PRKCSH: variants seen among roughly 807,000 people sequenced by gnomAD.
PRKCSH encodes the protein glucosidase 2 subunit beta.
Under a neutral mutation model 79.7 loss-of-function variants are expected in PRKCSH, and 42 were observed. That is an observed-to-expected ratio of 0.53 (90% CI 0.41 to 0.68). PRKCSH has a LOEUF of 0.68. Ranked by LOEUF, PRKCSH falls within the 30% of genes least tolerant of loss-of-function variation. The pLI, the probability that PRKCSH is intolerant of heterozygous loss-of-function variation, is 0.00. For synonymous variants in PRKCSH, 325 were observed against 288.2 expected (o/e 1.13, Z -1.29); for missense variants, 686 against 709.0 (o/e 0.97, Z 0.37).
chr19:11,436,399 C>T lies in PRKCSH; in HGVS notation c.90C>T (p.Phe30=). 1 of 1,614,182 alleles carries T rather than the reference C, an allele frequency of 6.2e-7. No individual in the cohort carries two copies. The highest frequency in any genetic ancestry group is 8.5e-7 in the Non-Finnish European group (1 of 1,180,008). Residue 30 remains phenylalanine, a synonymous_variant, in exon 3 of 18, where the codon TTC becomes TTT. Coordinates refer to ENST00000677123, the MANE Select transcript of PRKCSH (RefSeq NM_001289104.2). ...PRGVSLTNHH[F]YDESKPFTCL... Reference sequence around the variant, plus strand: ...TCCTGTACCCCGCAGATCATCACTTCTACGATGAGTCCAAGCCTTTCACCT... The same window carrying T: ...TCCTGTACCCCGCAGATCATCACTTTTACGATGAGTCCAAGCCTTTCACCT...
In PRKCSH at chr19:11,446,263, C is replaced by G. The variant is rs747123750; in HGVS notation, c.684-9C>G. The G allele has an allele frequency of 1.2e-6, 2 of 1,613,130 alleles. No individual in the cohort carries two copies. Among genetic ancestry groups the G allele is most frequent in the East Asian group, 2.2e-5 (1 of 44,864 alleles). On this transcript the variant is annotated splice_polypyrimidine_tract_variant and intron_variant, in intron 8 of 17. Transcript: ENST00000677123. ...ACCCCTCCAGTCTGCTTCTGCCACG[C>G]CCCCGCAGGGTCTCGGTGACTGAGC... is the stretch of plus-strand genomic sequence containing the variant.
Position 11,436,400 on chromosome 19 carries a change from T to C in PRKCSH, c.91T>C (p.Tyr31His). Residue 31 changes from tyrosine to histidine, a missense_variant, in exon 3 of 18, where the codon TAC becomes CAC. By Grantham distance (83) the Tyr-to-His change is moderately conservative. This residue lies in a region of PRKCSH where 549 missense variants were observed against 520.2 expected (regional missense o/e 1.06). Coordinates refer to ENST00000677123, the MANE Select transcript of PRKCSH (RefSeq NM_001289104.2). ...RGVSLTNHHFYDESKPFTCLD... is the reference protein window; with the variant it reads ...RGVSLTNHHFHDESKPFTCLD... Reference sequence around the variant, plus strand: ...CCTGTACCCCGCAGATCATCACTTCTACGATGAGTCCAAGCCTTTCACCTG... The same window carrying C: ...CCTGTACCCCGCAGATCATCACTTCCACGATGAGTCCAAGCCTTTCACCTG... 1 of 1,614,176 alleles carries C rather than the reference T, an allele frequency of 6.2e-7. No homozygotes were observed. The highest frequency in any genetic ancestry group is 1.1e-5 in the South Asian group (1 of 91,092).
In PRKCSH at chr19:11,449,542, T is replaced by C. The variant is rs1970493725; in HGVS notation, c.*16+114T>C. 3.5e-6 allele frequency: 5 copies of C among 1,435,768 alleles called. No individual in the cohort carries two copies. The highest frequency in any genetic ancestry group is 4.8e-6 in the Non-Finnish European group (5 of 1,046,562). The allele number at this position is 1,435,768 out of a possible 1,614,324, so 88.9% of individuals were successfully genotyped here. A position where few individuals can be genotyped will look rare whatever the true frequency, so the allele number is the denominator to read the frequency against. ...CAACCTGTGTCCCCATGTTCCCTGC[T>C]TTTTTGTTTTGTTTTTTTGAGGTGG... On this transcript the variant is annotated intron_variant, in intron 17 of 17. Coordinates refer to ENST00000677123, the MANE Select transcript of PRKCSH (RefSeq NM_001289104.2). This position sits in a 1 kb window ranked among gnomAD's most constrained non-coding sequence, Gnocchi z 6.4.
rs1014627341 is a variant in PRKCSH, at chr19:11,447,938, A to G, written c.1126+149A>G. On this transcript the variant is annotated intron_variant, in intron 12 of 17. Transcript: ENST00000677123. This position sits in a 1 kb window ranked among gnomAD's most constrained non-coding sequence, Gnocchi z 5.6. ...CTTGGGGAGTCCAGGAAGGGGGCCT[A>G]GGGTAAGCCAGTCCCACCCTCGCCA... 1 of 992,108 alleles carries G rather than the reference A, an allele frequency of 1.0e-6. No individual in the cohort carries two copies. The highest frequency in any genetic ancestry group is 1.5e-6 in the Non-Finnish European group (1 of 688,576). 61.5% of individuals were successfully genotyped at this position (992,108 alleles called of 1,614,324 possible).
At chr19:11,439,605 CTTTTTTTTT>C (rs758607686) in intron 5 of PRKCSH, among the ~76,000 whole-genome samples, 4 of 68,852 alleles carry the variant, frequency 5.8e-5, no homozygotes, top group Non-Finnish European at 8.4e-5. Context: ...TTTTTCTTTT[CTTTTTTTTT>C]TTTTTTTTTT....
intron 5 of PRKCSH, among the ~76,000 whole-genome samples, chr19:11,438,447 C>T (rs1334557256): frequency 1.3e-5 from 2 of 152,158 alleles, no homozygotes; most frequent in Non-Finnish European, 2.9e-5. Context: ...GAAACACCCA[C>T]AGGCAGGTAA....
At position 11,436,497 on chromosome 19, in the gene PRKCSH, A is replaced by C. The variant is rs1969752491; in HGVS notation, c.188A>C (p.Asp63Ala). ...DDYCDCKDGSDEPGTAACPNG... is the reference protein window; with the variant it reads ...DDYCDCKDGSAEPGTAACPNG... ...TATTGCGACTGCAAAGATGGCTCTG[A>C]CGAGCCAGGTGAGCCTTTTCTCTGT... Residue 63 changes from aspartate (D) to alanine (A), a missense_variant, in exon 3 of 18, where the codon GAC becomes GCC. Transcript: ENST00000677123. The C allele has an allele frequency of 6.2e-7, 1 of 1,610,492 alleles. No individual in the cohort carries two copies. The highest frequency in any genetic ancestry group is 8.5e-7 in the Non-Finnish European group (1 of 1,177,022).
Position 11,447,242 on chromosome 19 carries a change from C to G in PRKCSH, c.849+82C>G. The G allele has an allele frequency of 6.6e-7, 1 of 1,509,814 alleles. No individual in the cohort carries two copies. Among genetic ancestry groups the G allele is most frequent in the East Asian group, 2.3e-5 (1 of 42,576 alleles). 93.5% of individuals were successfully genotyped at this position (1,509,814 alleles called of 1,614,324 possible). A position where few individuals can be genotyped will look rare whatever the true frequency, so the allele number is the denominator to read the frequency against. On this transcript the variant is annotated intron_variant, in intron 10 of 17. Transcript: ENST00000677123. This position sits in a 1 kb window ranked among gnomAD's most constrained non-coding sequence, Gnocchi z 5.6. ...CCTCACAAAGGAGCTGCCTCTGGTT[C>G]TGGCACCTGGCCACCCTGGCCAGCT...
In PRKCSH at chr19:11,449,220, C is replaced by T; in HGVS notation, c.1461+45C>T. ...GGGAGCTGGGGCGGGGAGACCCAGG[C>T]CTGGCCCAGCCGAACCCTCTCGAGC... On this transcript the variant is annotated intron_variant, in intron 16 of 17. Coordinates refer to ENST00000677123, the MANE Select transcript of PRKCSH (RefSeq NM_001289104.2). This position sits in a 1 kb window ranked among gnomAD's most constrained non-coding sequence, Gnocchi z 6.4. 3 of 1,613,560 alleles carry T rather than the reference C, an allele frequency of 1.9e-6. No individual in the cohort carries two copies. Among genetic ancestry groups the T allele is most frequent in the Non-Finnish European group, 2.5e-6 (3 of 1,179,940 alleles).
At chr19:11,438,176 G>C (rs750388131) in intron 5 of PRKCSH, 52 bp downstream of exon 5, 1 of 1,590,372 alleles carries the variant, frequency 6.3e-7, no homozygotes, top group Non-Finnish European at 8.6e-7. Flanking sequence ...ACTTTGCCTG[G>C]CTCCACCCAG....
Position 11,447,952 on chromosome 19 carries a change from C to A in PRKCSH, c.1126+163C>A. The A allele has an allele frequency of 1.1e-6, 1 of 894,458 alleles. No homozygotes were observed. Among genetic ancestry groups the A allele is most frequent in the Non-Finnish European group, 1.7e-6 (1 of 600,196 alleles). The allele number at this position is 894,458 out of a possible 1,614,324, so 55.4% of individuals were successfully genotyped here. A position where few individuals can be genotyped will look rare whatever the true frequency, so the allele number is the denominator to read the frequency against. ...GAAGGGGGCCTAGGGTAAGCCAGTC[C>A]CACCCTCGCCAGCCCCAAGGGGCCC... is the stretch of plus-strand genomic sequence containing the variant. On this transcript the variant is annotated intron_variant, in intron 12 of 17. Transcript: ENST00000677123. The surrounding 1 kb of genome is among the most constrained non-coding windows in gnomAD (Gnocchi z 5.6).
At chr19:11,436,278 T>G in intron 2 of PRKCSH, 82 bp downstream of exon 2, 1 of 1,591,360 alleles carries the variant, frequency 6.3e-7, no homozygotes, top group South Asian at 1.1e-5. Flanking sequence ...ATTTACAGCC[T>G]TTTGACTCAG....
chr19:11,448,346 C>T lies in PRKCSH; in HGVS notation c.1196+55C>T. ...GTCCCACAGCGACTGCTCCTTGACT[C>T]CCAGGGGAGCTGGTGATGGGGAATC... On this transcript the variant is annotated intron_variant, in intron 13 of 17. Coordinates refer to ENST00000677123, the MANE Select transcript of PRKCSH (RefSeq NM_001289104.2). The surrounding 1 kb of genome is among the most constrained non-coding windows in gnomAD (Gnocchi z 4.4). 1 of 1,541,598 alleles carries T rather than the reference C, an allele frequency of 6.5e-7. No homozygotes were observed. The highest frequency in any genetic ancestry group is 1.2e-5 in the South Asian group (1 of 84,336).
Position 11,436,026 on chromosome 19 carries a change from G to T in PRKCSH, c.-77-15G>T. On this transcript the variant is annotated splice_polypyrimidine_tract_variant and intron_variant, in intron 1 of 17. Coordinates refer to ENST00000677123, the MANE Select transcript of PRKCSH (RefSeq NM_001289104.2). Reference sequence around the variant, plus strand: ...AGCCCTCTCCCACTGACCGGGATCCGCTTTCTTCCTGCAGCGTGAAGACAC... The same window carrying T: ...AGCCCTCTCCCACTGACCGGGATCCTCTTTCTTCCTGCAGCGTGAAGACAC... 3 of 1,543,740 alleles carry T rather than the reference G, an allele frequency of 1.9e-6. No individual in the cohort carries two copies. Among genetic ancestry groups the T allele is most frequent in the South Asian group, 1.1e-5 (1 of 89,902 alleles).
chr19:11,436,155 G>C lies in PRKCSH; in HGVS notation c.38G>C (p.Trp13Ser), dbSNP rs545088289. The change falls in exon 2 of 18, where the codon TGG becomes TCG. Residue 13 changes from tryptophan to serine, a missense_variant. Physicochemically the swap from Trp to Ser is radical, Grantham distance 177. Coordinates refer to ENST00000677123, the MANE Select transcript of PRKCSH (RefSeq NM_001289104.2). ...CTGCTGCTGCTGCTACCCATGTGCT[G>C]GGCCGTGGAGGTCAAGAGGCCCCGG... ...LPLLLLLPMC[W>S]AVEVKRPRGV... is the part of the protein sequence containing the mutation. The C allele has an allele frequency of 9.0e-5, 145 of 1,603,430 alleles. No homozygotes were observed. The highest frequency in any genetic ancestry group is 6.8e-5 in the Admixed American group (4 of 58,622).
intron 5 of PRKCSH, among the ~76,000 whole-genome samples, chr19:11,439,601 T>C (rs1240123640): frequency 2.2e-5 from 3 of 136,522 alleles, no homozygotes; most frequent in East Asian, 2.1e-4. Context: ...AAAATTTTTC[T>C]TTTCTTTTTT....
In PRKCSH at chr19:11,448,276, T is replaced by C. The variant is rs763174112; in HGVS notation, c.1181T>C (p.Met394Thr). 1 of 1,573,478 alleles carries C rather than the reference T, an allele frequency of 6.4e-7. No homozygotes were observed. Among genetic ancestry groups the C allele is most frequent in the South Asian group, 1.2e-5 (1 of 85,800 alleles). ...GAGGCCGAGCGGTCGCTGAAGGACA[T>C]GGAGGAGTCCATCAGGTAGCGGGGG... ...FEEAERSLKD[M>T]EESIRNLEQE... The change falls in exon 13 of 18, where the codon ATG (methionine) becomes ACG (threonine). Residue 394 changes from methionine to threonine, a missense_variant. Transcript: ENST00000677123. This position sits in a 1 kb window ranked among gnomAD's most constrained non-coding sequence, Gnocchi z 4.4.
chr19:11,436,192 C>T lies in PRKCSH; in HGVS notation c.75C>T (p.Leu25=). The T allele has an allele frequency of 6.3e-7, 1 of 1,588,368 alleles. No homozygotes were observed. The highest frequency in any genetic ancestry group is 8.6e-7 in the Non-Finnish European group (1 of 1,168,226). Residue 25 remains leucine (L), a synonymous_variant, in exon 2 of 18, where the codon CTC becomes CTT. Coordinates refer to ENST00000677123, the MANE Select transcript of PRKCSH (RefSeq NM_001289104.2). ...VEVKRPRGVS[L]TNHHFYDESK... is the part of the protein sequence containing the mutation. ...TCAAGAGGCCCCGGGGCGTCTCCCTCACCAGTGAGTCCTCCTGTTCACCCT... is the reference window on the plus strand; with the variant it reads ...TCAAGAGGCCCCGGGGCGTCTCCCTTACCAGTGAGTCCTCCTGTTCACCCT...
Position 11,447,675 on chromosome 19 carries a change from A to ACCCTGC in PRKCSH, c.1030-8_1030-3dup, listed in dbSNP as rs371982627. 9 of 1,561,008 alleles carry ACCCTGC rather than the reference A, an allele frequency of 5.8e-6. No homozygotes were observed. Among genetic ancestry groups the ACCCTGC allele is most frequent in the African/African-American group, 2.7e-5 (2 of 73,402 alleles). ...AGGGTGGGGGAAGGGCTACTCACTG[A>ACCCTGC]CCCTGCCCCTGCCCCAGGAGGCCCC... is the stretch of plus-strand genomic sequence containing the variant. On this transcript the variant is annotated splice_polypyrimidine_tract_variant and intron_variant, in intron 11 of 17. Transcript: ENST00000677123. The surrounding 1 kb of genome is among the most constrained non-coding windows in gnomAD (Gnocchi z 5.6).
Sources: gnomAD v4.1 joint callset for allele counts (sites outside exome capture counted in the v4.1 genomes callset) on GRCh38, gnomAD v4.1.1 for gene constraint, gnomAD v4.1.1 regional missense constraint, Gnocchi (gnomAD v3.1) non-coding constraint, MANE v1.5 for transcripts, NCBI Gene and HGNC (gene_info 2026-07-23, HGNC 2026-07-21) for gene names.